The following IQCH variants were observed in gnomAD, a reference collection of about 807,000 sequenced individuals.
IQCH encodes IQ motif containing H.
IQCH carries 98 observed loss-of-function variants against 117.0 expected under a neutral mutation model. That is an observed-to-expected ratio of 0.84 (90% CI 0.71 to 0.99). IQCH has a LOEUF of 0.99. Among genes scored for constraint, IQCH ranks in the 50% least tolerant of loss-of-function variants. The pLI, the probability that IQCH is intolerant of heterozygous loss-of-function variation, is 0.00. For missense variants in IQCH, 1,102 were observed against 1,243.8 expected (o/e 0.89, Z 1.72); for synonymous variants, 412 against 448.2 (o/e 0.92, Z 1.02).
intron 4 of IQCH, among the ~76,000 whole-genome samples, chr15:67,319,890 A>G (rs1968031952): frequency 6.6e-6 from 1 of 152,264 alleles, no homozygotes; most frequent in African/African-American, 2.4e-5. Context: ...ACATACACAT[A>G]CAATATTTAA....
At chr15:67,315,977 A>G (rs190150975) in intron 4 of IQCH, among the ~76,000 whole-genome samples, 1 of 152,346 alleles carries the variant, frequency 6.6e-6, no homozygotes, top group East Asian at 1.9e-4. Flanking sequence ...GAGATTCCTT[A>G]TCTCCTCATC....
At position 67,369,564 on chromosome 15, in the gene IQCH, AGGAG is replaced by A. The variant is rs1202984936; in HGVS notation, c.754-2541_754-2538del. 6.6e-6 allele frequency among the ~76,000 whole-genome samples: 1 copy of A among 151,974 alleles called. No homozygotes were observed. Among genetic ancestry groups the A allele is most frequent in the Non-Finnish European group, 1.5e-5 (1 of 67,966 alleles). On this transcript the variant is annotated intron_variant, in intron 8 of 20. Coordinates refer to ENST00000335894, the MANE Select transcript of IQCH (RefSeq NM_001031715.3). This position sits in a 1 kb window ranked among gnomAD's most constrained non-coding sequence, Gnocchi z 5.2. ...AGGGAGGGAGGAAGGAAGAAAAGGA[AGGAG>A]GGAGGAAAGAAGGCAGAGGAAAAGA...
At chr15:67,286,208 A>G (rs927963338) in intron 4 of IQCH, among the ~76,000 whole-genome samples, 1 of 152,148 alleles carries the variant, frequency 6.6e-6, no homozygotes, top group Admixed American at 6.5e-5. Context: ...AAATGGGATT[A>G]CTGTCTTGAT....
intron 4 of IQCH, among the ~76,000 whole-genome samples, chr15:67,335,787 C>G (rs182902445): frequency 5.2e-4 from 79 of 152,308 alleles, no homozygotes; most frequent in African/African-American, 1.8e-3. Context: ...TAACAGTCTA[C>G]TCTTTCCTAT....
At chr15:67,282,700 A>T (rs536183165) in intron 4 of IQCH, among the ~76,000 whole-genome samples, 1 of 152,332 alleles carries the variant, frequency 6.6e-6, no homozygotes, top group East Asian at 1.9e-4. Context: ...TTAAGTAGTT[A>T]TGAAATCCAA....
intron 16 of IQCH, among the ~76,000 whole-genome samples, chr15:67,442,869 CATAT>C (rs143452052): frequency 0.11 from 14,383 of 129,918 alleles, 815 homozygotes; most frequent in South Asian, 0.18. Flanking sequence ...GATAGATATA[CATAT>C]ATATATATAT....
Position 67,436,508 on chromosome 15 carries a change from G to T in IQCH, c.2505+14931G>T, listed in dbSNP as rs563919844. 2.0e-5 allele frequency among the ~76,000 whole-genome samples: 3 copies of T among 152,288 alleles called. No individual in the cohort carries two copies. The South Asian group carries it at 6.2e-4, about 32-fold the overall frequency. Reference sequence around the variant, plus strand: ...GAGAAGCAGGCGGTAAATCTCCACAGGGAGAAGGAATTCTCTAGCTAAAGT... The same window carrying T: ...GAGAAGCAGGCGGTAAATCTCCACATGGAGAAGGAATTCTCTAGCTAAAGT... On this transcript the variant is annotated intron_variant, in intron 16 of 20. Coordinates refer to ENST00000335894, the MANE Select transcript of IQCH (RefSeq NM_001031715.3). The surrounding 1 kb of genome is among the most constrained non-coding windows in gnomAD (Gnocchi z 5.1).
rs1024935412 is a variant in IQCH at position 67,279,384 on chromosome 15, T to G, written c.270-11T>G. 1 of 1,390,858 alleles carries G rather than the reference T, an allele frequency of 7.2e-7. No individual in the cohort carries two copies. The highest frequency in any genetic ancestry group is 1.9e-5 in the Admixed American group (1 of 53,738). The allele number at this position is 1,390,858 out of a possible 1,614,324, so 86.2% of individuals were successfully genotyped here. A position where few individuals can be genotyped will look rare whatever the true frequency, so the allele number is the denominator to read the frequency against. ...CAAATTTGATTTTAAATTCCATTTC[T>G]TCTTACTTAGGTTACTTCCAACTGT... On this transcript the variant is annotated splice_polypyrimidine_tract_variant and intron_variant, in intron 3 of 20. Transcript: ENST00000335894.
intron 16 of IQCH, among the ~76,000 whole-genome samples, chr15:67,441,122 CAAAAAAAAAAAAA>C (rs200254535): frequency 5.2e-4 from 28 of 54,008 alleles, no homozygotes; most frequent in African/African-American, 6.4e-4. Flanking sequence ...GCAATAGCTG[CAAAAAAAAAAAAA>C]AAAAAAAAAA....
Position 67,476,357 on chromosome 15 carries a change from G to GT in IQCH, c.2799+539_2799+540insT, listed in dbSNP as rs1216804333. Among the ~76,000 whole-genome samples the GT allele has an allele frequency of 6.6e-6, 1 of 152,186 alleles. No homozygotes were observed. Among genetic ancestry groups the GT allele is most frequent in the East Asian group, 1.9e-4 (1 of 5,190 alleles). Reference sequence around the variant, plus strand: ...CCTCCTTGCGGTGTCCTCACATATGGAAGGAGAGAGAGAGAGATCTCTGTT... The same window carrying GT: ...CCTCCTTGCGGTGTCCTCACATATGGTAAGGAGAGAGAGAGAGATCTCTGTT... On this transcript the variant is annotated intron_variant, in intron 18 of 20. Transcript: ENST00000335894. This position sits in a 1 kb window ranked among gnomAD's most constrained non-coding sequence, Gnocchi z 4.1.
chr15:67,429,322 T>C (rs1289876570), intron 16 of IQCH, among the ~76,000 whole-genome samples: 1 of 152,152 alleles, frequency 6.6e-6, no homozygotes, highest in Non-Finnish European at 1.5e-5. Context: ...GAGATCAGCA[T>C]AGGCAACATA....
At chr15:67,346,958 A>T (rs927837883) in intron 6 of IQCH, among the ~76,000 whole-genome samples, 2 of 152,132 alleles carry the variant, frequency 1.3e-5, no homozygotes, top group African/African-American at 4.8e-5. Context: ...CAAGGATATT[A>T]AAAAAATATT....
At chr15:67,353,112 A>G (rs962805260) in intron 6 of IQCH, among the ~76,000 whole-genome samples, 2 of 151,724 alleles carry the variant, frequency 1.3e-5, no homozygotes, top group African/African-American at 2.4e-5. Flanking sequence ...CTCCACTGCA[A>G]TCCAGCCTGA....
rs926845952 is a variant in IQCH, at chr15:67,459,041, C to T, written c.2506-6086C>T. On this transcript the variant is annotated intron_variant, in intron 16 of 20. Coordinates refer to ENST00000335894, the MANE Select transcript of IQCH (RefSeq NM_001031715.3). This position sits in a 1 kb window ranked among gnomAD's most constrained non-coding sequence, Gnocchi z 4.2. Reference sequence around the variant, plus strand: ...GGAGGCAACAGAGGGAGGATTCACCCAGACTACTATCCCCAGTGAGTGATT... The same window carrying T: ...GGAGGCAACAGAGGGAGGATTCACCTAGACTACTATCCCCAGTGAGTGATT... Among the ~76,000 whole-genome samples, 1 of 152,188 alleles carries T rather than the reference C, an allele frequency of 6.6e-6. No individual in the cohort carries two copies. The highest frequency in any genetic ancestry group is 2.4e-5 in the African/African-American group (1 of 41,424).
intron 16 of IQCH, among the ~76,000 whole-genome samples, chr15:67,439,722 C>A (rs2082219210): frequency 6.6e-6 from 1 of 151,752 alleles, no homozygotes; most frequent in East Asian, 1.9e-4. Context: ...CCCATCTCTA[C>A]TAAAAATACA....
chr15:67,417,201 A>C lies in IQCH; in HGVS notation c.2218+150A>C, dbSNP rs1177384830. The stretch of plus-strand genomic sequence containing the variant: ...CGGTTTTCTTTTTCAAATGTTGCCT[A>C]AATATTTATCTTACACCCAGCCTCT... On this transcript the variant is annotated intron_variant, in intron 15 of 20. Transcript: ENST00000335894. The surrounding 1 kb of genome is among the most constrained non-coding windows in gnomAD (Gnocchi z 4.3). 3 of 581,818 alleles carry C rather than the reference A, an allele frequency of 5.2e-6. No individual in the cohort carries two copies. The highest frequency in any genetic ancestry group is 3.4e-5 in the East Asian group (1 of 29,266). The allele number at this position is 581,818 out of a possible 1,614,324, so 36.0% of individuals were successfully genotyped here. A position where few individuals can be genotyped will look rare whatever the true frequency, so the allele number is the denominator to read the frequency against.
At chr15:67,348,282 A>G (rs1969494913) in intron 6 of IQCH, among the ~76,000 whole-genome samples, 1 of 152,056 alleles carries the variant, frequency 6.6e-6, no homozygotes. Flanking sequence ...AACAAAAGAC[A>G]TGCAGATTGG....
chr15:67,266,671 TA>T (rs1442587260), intron 3 of IQCH, among the ~76,000 whole-genome samples: 1 of 151,942 alleles, frequency 6.6e-6, no homozygotes, highest in Non-Finnish European at 1.5e-5. Context: ...AATAAATAAA[TA>T]AAAAAGACAT....
chr15:67,396,536 T>A (rs963165069), intron 13 of IQCH, among the ~76,000 whole-genome samples: 1 of 152,224 alleles, frequency 6.6e-6, no homozygotes, highest in East Asian at 1.9e-4. Flanking sequence ...CCCTGGCAGA[T>A]GTTCTCCCAT....
Sources: gnomAD v4.1 joint callset for allele counts (sites outside exome capture counted in the v4.1 genomes callset) on GRCh38, gnomAD v4.1.1 for gene constraint, Gnocchi (gnomAD v3.1) non-coding constraint, MANE v1.5 for transcripts, NCBI Gene and HGNC (gene_info 2026-07-23, HGNC 2026-07-21) for gene names.